Variants in PRLR observed in about 807,000 individuals in gnomAD.
PRLR encodes the protein prolactin receptor, also known as hPRL receptor.
A neutral mutation model predicts 40.2 loss-of-function variants in PRLR; 13 were observed. The observed-to-expected ratio is 0.32, with a 90% CI of 0.21 to 0.51. The LOEUF is 0.51. Ranked by LOEUF, PRLR falls within the 20% of genes least tolerant of loss-of-function variation. The probability of loss-of-function intolerance (pLI) is 0.97; values close to 1 mark genes in which losing one functional copy is unlikely to be tolerated. For synonymous variants in PRLR, 269 were observed against 278.7 expected, an observed-to-expected ratio of 0.97 and a Z score of 0.35; for missense variants, 656 against 747.3, an observed-to-expected ratio of 0.88 and a Z score of 1.42.
intron 1 of PRLR, among the ~76,000 whole-genome samples, chr5:35,145,450 A>AT (rs1300634218): frequency 6.6e-6 from 1 of 152,008 alleles, no homozygotes; most frequent in East Asian, 1.9e-4. Flanking sequence ...AAACCTTAGG[A>AT]TTGGATGAAT....
In PRLR at chr5:35,065,794, T is replaced by C; in HGVS notation, c.1164A>G (p.Thr388=). ...TGCACTGGGGGTCCCAGGTGTGGGT[T>C]GTTTCAGGATTCTCTGGCTTCTCAA... ...EVIEKPENPE[T]THTWDPQCIS... The change falls in exon 10 of 10, where the codon ACA becomes ACG. Residue 388 remains threonine, a synonymous_variant. Coordinates refer to ENST00000618457, the MANE Select transcript of PRLR (RefSeq NM_000949.7). 6.2e-7 allele frequency: 1 copy of C among 1,614,058 alleles called. No homozygotes were observed. Among genetic ancestry groups the C allele is most frequent in the Non-Finnish European group, 8.5e-7 (1 of 1,180,008 alleles).
At chr5:35,169,975 G>T (rs1411601035) in intron 1 of PRLR, among the ~76,000 whole-genome samples, 1 of 152,162 alleles carries the variant, frequency 6.6e-6, no homozygotes, top group Admixed American at 6.5e-5. Flanking sequence ...CTCTGTGATG[G>T]AGGGAGTATT....
At chr5:35,118,689 T>C (rs914329466) in intron 1 of PRLR, among the ~76,000 whole-genome samples, 2 of 152,104 alleles carry the variant, frequency 1.3e-5, no homozygotes, top group Admixed American at 6.5e-5. Flanking sequence ...GACATAGTTA[T>C]AGATGAACTG....
At chr5:35,202,798 C>T (rs1302350200) in intron 1 of PRLR, among the ~76,000 whole-genome samples, 1 of 152,090 alleles carries the variant, frequency 6.6e-6, no homozygotes, top group African/African-American at 2.4e-5. Context: ...TACTTTATTG[C>T]CAGTAATATA....
chr5:35,100,838 T>C (rs1352201132), intron 2 of PRLR, among the ~76,000 whole-genome samples: 2 of 152,216 alleles, frequency 1.3e-5, no homozygotes, highest in Non-Finnish European at 2.9e-5. Context: ...TGTGAGGTCC[T>C]AAAAGCTCAG....
At chr5:35,070,596 C>A (rs1377779791) in intron 6 of PRLR, among the ~76,000 whole-genome samples, 1 of 152,012 alleles carries the variant, frequency 6.6e-6, no homozygotes, top group African/African-American at 2.4e-5. Context: ...GTAATCCCAG[C>A]ACTTTGGGAG....
intron 5 of PRLR, among the ~76,000 whole-genome samples, chr5:35,082,980 G>T (rs955090099): frequency 1.7e-4 from 26 of 151,014 alleles, no homozygotes; most frequent in African/African-American, 6.1e-4. Flanking sequence ...TTTGTGGGTC[G>T]CATTTATTAA....
chr5:35,129,955 G>A (rs1366315650), intron 1 of PRLR, among the ~76,000 whole-genome samples: 1 of 152,146 alleles, frequency 6.6e-6, no homozygotes, highest in African/African-American at 2.4e-5. Context: ...CCCTGGGCAT[G>A]TCGCAAGCCT....
chr5:35,052,509 C>T (rs541072744), downstream of PRLR, among the ~76,000 whole-genome samples: 1 of 152,224 alleles, frequency 6.6e-6, no homozygotes, highest in African/African-American at 2.4e-5. Context: ...ACCTGCTGCC[C>T]TCCTGTCTGG....
In PRLR at chr5:35,144,123, C is replaced by CAAAAAA. The variant is rs34642253; in HGVS notation, c.-105-26007_-105-26002dup. ...ATGCCACAGATTTTCAACAAGCTTC[C>CAAAAAA]AAAAAAAAAAAAAAAAAAACCCAGA... On this transcript the variant is annotated intron_variant, in intron 1 of 9. Coordinates refer to ENST00000618457, the MANE Select transcript of PRLR (RefSeq NM_000949.7). Among the ~76,000 whole-genome samples, 5 of 109,090 alleles carry CAAAAAA rather than the reference C, an allele frequency of 4.6e-5. 1 individual carries two copies. Among genetic ancestry groups the CAAAAAA allele is most frequent in the Non-Finnish European group, 9.5e-5 (5 of 52,802 alleles). The allele number at this position is 109,090 out of a possible 152,430, so 71.6% of individuals were successfully genotyped here. A position where few individuals can be genotyped will look rare whatever the true frequency, so the allele number is the denominator to read the frequency against.
Position 35,142,321 on chromosome 5 carries a change from G to A in PRLR, c.-105-24199C>T, listed in dbSNP as rs559259604. 2.1e-4 allele frequency among the ~76,000 whole-genome samples: 32 copies of A among 152,264 alleles called. No individual in the cohort carries two copies. In the Middle Eastern group the frequency reaches 0.01, roughly 49 times the overall value. On this transcript the variant is annotated intron_variant, in intron 1 of 9. Transcript: ENST00000618457. ...TGCACAGGTTGTGCCAAGCATATCC[G>A]GGATTTTTGTGGAATCACCTGGCGA...
chr5:35,069,605 A>G (rs982761632), intron 7 of PRLR, among the ~76,000 whole-genome samples: 3 of 152,262 alleles, frequency 2.0e-5, no homozygotes, highest in Admixed American at 2.0e-4. Flanking sequence ...CAAATAAGGT[A>G]CAGGCTTTGT....
chr5:35,091,777 C>T (rs1312373573), intron 2 of PRLR, among the ~76,000 whole-genome samples: 2 of 152,210 alleles, frequency 1.3e-5, no homozygotes, highest in African/African-American at 4.8e-5. Context: ...CTCATGAATC[C>T]AGCCTCATTA....
chr5:35,174,579 A>G (rs763052829), intron 1 of PRLR, among the ~76,000 whole-genome samples: 2 of 152,144 alleles, frequency 1.3e-5, no homozygotes, highest in Non-Finnish European at 2.9e-5. Flanking sequence ...ACAGGCCTGA[A>G]TTAGATGCTG....
chr5:35,054,182 A>G (rs143770488), downstream of PRLR, among the ~76,000 whole-genome samples: 196 of 152,370 alleles, frequency 1.3e-3, no homozygotes, highest in African/African-American at 4.6e-3. Flanking sequence ...GATGACGAGA[A>G]ATGGAAATAC....
At chr5:35,113,534 C>T (rs1251395779) in intron 2 of PRLR, among the ~76,000 whole-genome samples, 2 of 151,620 alleles carry the variant, frequency 1.3e-5, no homozygotes, top group East Asian at 3.9e-4. Context: ...TCTATCCATC[C>T]ATCCATCCAT....
At chr5:35,127,904 G>A (rs554009418) in intron 1 of PRLR, among the ~76,000 whole-genome samples, 4 of 152,214 alleles carry the variant, frequency 2.6e-5, no homozygotes, top group African/African-American at 2.4e-5. Flanking sequence ...TTGGGGTGAC[G>A]AAATGTTCTA....
chr5:35,120,835 A>C (rs1353115517), intron 1 of PRLR, among the ~76,000 whole-genome samples: 1 of 152,234 alleles, frequency 6.6e-6, no homozygotes, highest in Non-Finnish European at 1.5e-5. Flanking sequence ...AGAAGTTGAG[A>C]GAGTTTTTCT....
chr5:35,176,286 C>A (rs2111962518), intron 1 of PRLR, among the ~76,000 whole-genome samples: 1 of 152,322 alleles, frequency 6.6e-6, no homozygotes, highest in Middle Eastern at 3.4e-3. Flanking sequence ...AAAAAACCAT[C>A]ATTAATTCCA....
Sources: gnomAD v4.1 joint callset for allele counts (sites outside exome capture counted in the v4.1 genomes callset) on GRCh38, gnomAD v4.1.1 for gene constraint, MANE v1.5 for transcripts, NCBI Gene and HGNC (gene_info 2026-07-23, HGNC 2026-07-21) for gene names.